Variants in AKAP19 observed in about 807,000 individuals in gnomAD.
The protein encoded by AKAP19 is A-kinase anchoring protein 19, also known as small A-kinase anchoring protein.
chr2:189,930,301 T>C, the AKAP19 span: 1 of 630,768 alleles, frequency 1.6e-6, no homozygotes, highest in Middle Eastern at 6.6e-4. Context: ...CTGCATCAAC[T>C]GGCTCCATGG....
chr2:190,139,710 C>T, the AKAP19 span, among the ~76,000 whole-genome samples: 1 of 152,150 alleles, frequency 6.6e-6, no homozygotes, highest in African/African-American at 2.4e-5. Flanking sequence ...TCAATTACCT[C>T]CCACAACATG....
the AKAP19 span, among the ~76,000 whole-genome samples, chr2:189,912,135 ATTAT>A: frequency 6.6e-6 from 1 of 152,080 alleles, no homozygotes; most frequent in African/African-American, 2.4e-5. Flanking sequence ...AATAAGCCTT[ATTAT>A]TTGTTTTTTT....
chr2:190,039,293 G>T, the AKAP19 span, among the ~76,000 whole-genome samples: 23 of 151,918 alleles, frequency 1.5e-4, no homozygotes, highest in African/African-American at 2.4e-4. Context: ...TGGCCAGGTC[G>T]GTCTCAAACT....
At chr2:189,895,178 A>AAGAAAAC in the AKAP19 span, among the ~76,000 whole-genome samples, 6,786 of 152,218 alleles carry the variant, frequency 0.045, 472 homozygotes, top group African/African-American at 0.15. Flanking sequence ...GAGAAAGTGG[A>AAGAAAAC]AGAAAACAGT....
the AKAP19 span, among the ~76,000 whole-genome samples, chr2:190,069,175 T>TGTGTGTGTGTGA: frequency 5.7e-5 from 7 of 123,538 alleles, no homozygotes; most frequent in African/African-American, 2.3e-4. Flanking sequence ...TGTGTGTGTG[T>TGTGTGTGTGTGA]GAGAGAGAGA....
the AKAP19 span, among the ~76,000 whole-genome samples, chr2:189,909,767 A>G: frequency 1.3e-5 from 2 of 152,074 alleles, no homozygotes; most frequent in African/African-American, 4.8e-5. Context: ...TTTATTAGGC[A>G]AAGAAGTCAA....
chr2:189,949,409 C>T, the AKAP19 span, among the ~76,000 whole-genome samples: 1 of 151,498 alleles, frequency 6.6e-6, no homozygotes, highest in African/African-American at 2.4e-5. Context: ...CAGTGGCGGG[C>T]ACCTGTAATC....
chr2:190,031,991 A>AT, the AKAP19 span, among the ~76,000 whole-genome samples: 2 of 152,030 alleles, frequency 1.3e-5, no homozygotes, highest in Non-Finnish European at 2.9e-5. Flanking sequence ...GTTTTCTTAT[A>AT]TTTTTCTTTA....
At chr2:190,183,569 G>A in the AKAP19 span, among the ~76,000 whole-genome samples, 9 of 152,096 alleles carry the variant, frequency 5.9e-5, no homozygotes, top group South Asian at 2.1e-4. Context: ...GCCAGAGATA[G>A]ATGTCAAACT....
chr2:190,073,127 G>A, the AKAP19 span, among the ~76,000 whole-genome samples: 1 of 152,040 alleles, frequency 6.6e-6, no homozygotes, highest in Non-Finnish European at 1.5e-5. Flanking sequence ...AATTCAGAGG[G>A]AGAAAGATAA....
the AKAP19 span, among the ~76,000 whole-genome samples, chr2:189,905,672 A>G: frequency 1.3e-5 from 2 of 152,046 alleles, no homozygotes; most frequent in African/African-American, 4.8e-5. Flanking sequence ...AGTACTGCAT[A>G]TGAATTTCCA....
the AKAP19 span, among the ~76,000 whole-genome samples, chr2:190,106,894 G>A: frequency 2.0e-5 from 3 of 152,142 alleles, no homozygotes; most frequent in Admixed American, 6.6e-5. Context: ...GTTAAGTGGT[G>A]ACCATCACTG....
At chr2:189,967,487 C>T in the AKAP19 span, among the ~76,000 whole-genome samples, 1 of 152,098 alleles carries the variant, frequency 6.6e-6, no homozygotes. Context: ...AATAAAATCA[C>T]CACAAACCTA....
chr2:190,049,585 GC>G, the AKAP19 span, among the ~76,000 whole-genome samples: 1 of 152,194 alleles, frequency 6.6e-6, no homozygotes, highest in South Asian at 2.1e-4. Context: ...AACTGCAGTA[GC>G]CATCTTGTAA....
chr2:189,960,097 A>G, the AKAP19 span, among the ~76,000 whole-genome samples: 6 of 152,296 alleles, frequency 3.9e-5, no homozygotes, highest in East Asian at 1.9e-4. Flanking sequence ...CTGATCTTAC[A>G]TTAATTACTA....
chr2:189,996,573 C>A, the AKAP19 span, among the ~76,000 whole-genome samples: 1 of 151,588 alleles, frequency 6.6e-6, no homozygotes, highest in Admixed American at 6.6e-5. Context: ...AATAATTAAC[C>A]CTCTGAATTC....
the AKAP19 span, chr2:190,060,344 T>A: frequency 6.2e-7 from 1 of 1,612,848 alleles, no homozygotes; most frequent in Non-Finnish European, 8.5e-7. Context: ...ATATCCATAG[T>A]TGGGCCTTTA....
chr2:190,138,040 G>A, the AKAP19 span, among the ~76,000 whole-genome samples: 14 of 152,178 alleles, frequency 9.2e-5, no homozygotes, highest in Non-Finnish European at 1.5e-4. Flanking sequence ...TTCCTTTTAG[G>A]CCTAAACTCT....
At chr2:190,161,010 A>G in the AKAP19 span, among the ~76,000 whole-genome samples, 4 of 152,204 alleles carry the variant, frequency 2.6e-5, no homozygotes, top group Admixed American at 1.3e-4. Context: ...TTTATAGATA[A>G]GCAAATTGTC....
Sources: gnomAD v4.1 joint callset for allele counts (sites outside exome capture counted in the v4.1 genomes callset) on GRCh38, gnomAD v4.1.1 for gene constraint, MANE v1.5 for transcripts, NCBI Gene and HGNC (gene_info 2026-07-23, HGNC 2026-07-21) for gene names.